The following PNLIPRP3 variants were observed in gnomAD, a reference collection of about 807,000 sequenced individuals.
PNLIPRP3 encodes pancreatic lipase-related protein 3.
In PNLIPRP3, 58 loss-of-function variants were observed where a neutral mutation model predicts 52.8. The observed-to-expected ratio is 1.10, with a 90% CI of 0.89 to 1.37. The LOEUF is 1.37. PNLIPRP3 is among the 40% of genes most tolerant of loss of function. The pLI, the probability that PNLIPRP3 is intolerant of heterozygous loss-of-function variation, is 0.00. For missense variants in PNLIPRP3, 593 were observed against 561.6 expected (o/e 1.06, Z -0.57); for synonymous variants, 192 against 185.0 (o/e 1.04, Z -0.31).
intron 1 of PNLIPRP3, among the ~76,000 whole-genome samples, chr10:116,428,606 T>C (rs900587291): frequency 1.3e-5 from 2 of 152,182 alleles, no homozygotes; most frequent in Admixed American, 6.6e-5. Context: ...TCTGTGGACA[T>C]TTCTTAAACA....
rs10749217 is a variant in PNLIPRP3 at position 116,471,894 on chromosome 10, A to T, written c.1172+15A>T. 1 of 1,512,920 alleles carries T rather than the reference A, an allele frequency of 6.6e-7. No individual in the cohort carries two copies. 93.7% of individuals were successfully genotyped at this position (1,512,920 alleles called of 1,614,324 possible). A position where few individuals can be genotyped will look rare whatever the true frequency, so the allele number is the denominator to read the frequency against. ...GCCATTGTCAGGTAGGCAGAGTGAG[A>T]AACTGACGCTTTGCACAGTGCTGGG... On this transcript the variant is annotated intron_variant, in intron 10 of 11. Transcript: ENST00000369230.
At chr10:116,429,507 T>C (rs1233188057) in intron 1 of PNLIPRP3, among the ~76,000 whole-genome samples, 1 of 152,246 alleles carries the variant, frequency 6.6e-6, no homozygotes, top group East Asian at 1.9e-4. Flanking sequence ...TTGTGTAACA[T>C]CTTGGCGCTA....
Position 116,466,029 on chromosome 10 carries a change from A to G in PNLIPRP3, c.809-21A>G, listed in dbSNP as rs138552238. On this transcript the variant is annotated intron_variant, in intron 7 of 11. Coordinates refer to ENST00000369230, the MANE Select transcript of PNLIPRP3 (RefSeq NM_001011709.3). ...AGTTATCAGTTAATTGCTATCAGTTAATTGGGAATTGTTTTCACAGAAATG... is the reference window on the plus strand; with the variant it reads ...AGTTATCAGTTAATTGCTATCAGTTGATTGGGAATTGTTTTCACAGAAATG... 58 of 1,513,494 alleles carry G rather than the reference A, an allele frequency of 3.8e-5. No individual in the cohort carries two copies. In the African/African-American group the frequency reaches 6.7e-4, roughly 18 times the overall value. 93.8% of individuals were successfully genotyped at this position (1,513,494 alleles called of 1,614,324 possible). A position where few individuals can be genotyped will look rare whatever the true frequency, so the allele number is the denominator to read the frequency against.
At chr10:116,455,457 C>A (rs1846098632) in intron 4 of PNLIPRP3, among the ~76,000 whole-genome samples, 1 of 152,168 alleles carries the variant, frequency 6.6e-6, no homozygotes, top group Admixed American at 6.5e-5. Context: ...GTTGTTAGGG[C>A]TGTTCTCCTG....
chr10:116,455,875 T>C, intron 5 of PNLIPRP3, 45 bp downstream of exon 5: 2 of 1,365,674 alleles, frequency 1.5e-6, no homozygotes, highest in Non-Finnish European at 2.1e-6. Flanking sequence ...TTAAATATTG[T>C]TTACACACAC....
chr10:116,428,257 A>G (rs1218806016), intron 1 of PNLIPRP3, among the ~76,000 whole-genome samples, 196 bp downstream of exon 1: 1 of 152,138 alleles, frequency 6.6e-6, no homozygotes, highest in African/African-American at 2.4e-5. Flanking sequence ...CACTTAACAT[A>G]AAATTATCAA....
intron 3 of PNLIPRP3, 95 bp downstream of exon 3, chr10:116,443,269 T>C: frequency 7.8e-7 from 1 of 1,277,030 alleles, no homozygotes. Flanking sequence ...TTCATGGAAA[T>C]CTTCCATTCA....
In PNLIPRP3 at chr10:116,476,771, A is replaced by G. The variant is rs1846476044; in HGVS notation, c.1292A>G (p.Lys431Arg). 6.2e-7 allele frequency: 1 copy of G among 1,610,514 alleles called. No individual in the cohort carries two copies. Among genetic ancestry groups the G allele is most frequent in the African/African-American group, 1.3e-5 (1 of 74,904 alleles). Residue 431 changes from lysine to arginine, a missense_variant, in exon 11 of 12, where the codon AAG (lysine) becomes AGG (arginine). Coordinates refer to ENST00000369230, the MANE Select transcript of PNLIPRP3 (RefSeq NM_001011709.3). ...CATTTGTTTGAAGATTCTCAGAATAAGTTGGGAGCAGAAATGGTGATAAAT... is the reference window on the plus strand; with the variant it reads ...CATTTGTTTGAAGATTCTCAGAATAGGTTGGGAGCAGAAATGGTGATAAAT... ...KKHLFEDSQN[K>R]LGAEMVINTS... is the part of the protein sequence containing the mutation.
intron 2 of PNLIPRP3, 28 bp downstream of exon 2, chr10:116,436,893 G>A (rs1845782510): frequency 2.0e-6 from 3 of 1,538,362 alleles, no homozygotes; most frequent in East Asian, 4.6e-5. Context: ...CTTCACACAT[G>A]GATTATTCTA....
At position 116,476,575 on chromosome 10, in the gene PNLIPRP3, CA is replaced by C. The variant is rs1285679547; in HGVS notation, c.1173-76del. On this transcript the variant is annotated intron_variant, in intron 10 of 11. Transcript: ENST00000369230. The stretch of plus-strand genomic sequence containing the variant: ...AAATACAAGTTTCTCTTCCATAGTG[CA>C]TACACAGATGTGTTTTCTTTCATTC... 2.0e-5 allele frequency: 23 copies of C among 1,158,982 alleles called. No homozygotes were observed. The African/African-American group carries it at 3.7e-4, about 18-fold the overall frequency. 71.8% of individuals were successfully genotyped at this position (1,158,982 alleles called of 1,614,324 possible). A position where few individuals can be genotyped will look rare whatever the true frequency, so the allele number is the denominator to read the frequency against.
intron 4 of PNLIPRP3, among the ~76,000 whole-genome samples, chr10:116,448,241 A>C (rs1282467960): frequency 6.6e-6 from 1 of 152,202 alleles, no homozygotes; most frequent in Non-Finnish European, 1.5e-5. Flanking sequence ...TGGATACACA[A>C]TAAAAAAGAC....
intron 4 of PNLIPRP3, among the ~76,000 whole-genome samples, chr10:116,444,793 T>A (rs1845920284): frequency 6.6e-6 from 1 of 152,236 alleles, no homozygotes; most frequent in Admixed American, 6.5e-5. Context: ...TTAGACCACC[T>A]CAATCAGTTT....
chr10:116,431,500 A>G (rs1845709711), intron 1 of PNLIPRP3, among the ~76,000 whole-genome samples: 3 of 152,078 alleles, frequency 2.0e-5, no homozygotes, highest in Admixed American at 2.0e-4. Context: ...TACTGTATAT[A>G]ATACATAATT....
At chr10:116,448,065 CAG>C (rs1320908057) in intron 4 of PNLIPRP3, among the ~76,000 whole-genome samples, 41 of 149,878 alleles carry the variant, frequency 2.7e-4, no homozygotes, top group African/African-American at 9.8e-4. Context: ...AGAAAAGAAA[CAG>C]AAAGAAAGAG....
intron 4 of PNLIPRP3, among the ~76,000 whole-genome samples, chr10:116,446,595 A>G (rs1184165268): frequency 1.3e-5 from 2 of 152,182 alleles, no homozygotes; most frequent in Admixed American, 1.3e-4. Flanking sequence ...AACTTAGGTG[A>G]AACTAAAAAT....
At chr10:116,452,613 A>T (rs183591670) in intron 4 of PNLIPRP3, among the ~76,000 whole-genome samples, 2 of 152,282 alleles carry the variant, frequency 1.3e-5, no homozygotes, top group East Asian at 3.9e-4. Flanking sequence ...AGCCTTCAGG[A>T]CACTGCTCCC....
At chr10:116,456,531 G>A (rs151047420) in intron 5 of PNLIPRP3, among the ~76,000 whole-genome samples, 50 of 152,272 alleles carry the variant, frequency 3.3e-4, no homozygotes, top group African/African-American at 1.1e-3. Context: ...TGTCCTGGAC[G>A]TTCCTGACAC....
In PNLIPRP3 at chr10:116,457,393, C is replaced by T. The variant is rs147611394; in HGVS notation, c.565+1563C>T. Among the ~76,000 whole-genome samples the T allele has an allele frequency of 2.0e-4, 30 of 152,248 alleles. 1 individual carries two copies. In the East Asian group the frequency reaches 5.4e-3, roughly 27 times the overall value. On this transcript the variant is annotated intron_variant, in intron 5 of 11. Transcript: ENST00000369230. ...TCTCTCACACACACACACATACATG[C>T]ACACTTTAAATTCAAATCTCAATTT...
chr10:116,476,706 C>G lies in PNLIPRP3; in HGVS notation c.1227C>G (p.Asn409Lys). ...TYTKLIDADV[N>K]VGNITSVQFI... ...CAAAATTAATCGATGCAGATGTTAA[C>G]GTTGGAAACATTACAAGTGTTCAGT... The change falls in exon 11 of 12, where the codon AAC becomes AAG. Residue 409 changes from asparagine (N) to lysine (K), a missense_variant. Asn to Lys is a moderately conservative substitution (Grantham distance 94). Coordinates refer to ENST00000369230, the MANE Select transcript of PNLIPRP3 (RefSeq NM_001011709.3). 1 of 1,602,830 alleles carries G rather than the reference C, an allele frequency of 6.2e-7. No homozygotes were observed. Among genetic ancestry groups the G allele is most frequent in the Non-Finnish European group, 8.5e-7 (1 of 1,176,584 alleles).
Sources: allele counts gnomAD v4.1 joint callset (sites outside exome capture counted in the v4.1 genomes callset), GRCh38; gene constraint gnomAD v4.1.1; transcripts MANE v1.5; gene names NCBI Gene and HGNC (gene_info 2026-07-23, HGNC 2026-07-21).